Variants in TAOK3 observed in about 807,000 individuals in gnomAD.
The protein encoded by TAOK3 is TAO kinase 3.
In TAOK3, 40 loss-of-function variants were observed where a neutral mutation model predicts 120.4. The ratio of observed to expected loss-of-function variants is 0.33; its 90% CI spans 0.26 to 0.43. The LOEUF is 0.43. Among genes scored for constraint, TAOK3 ranks in the 20% least tolerant of loss-of-function variants. The pLI is 1.00. For missense variants in TAOK3, 821 were observed against 1,112.1 expected, an observed-to-expected ratio of 0.74 and a Z score of 3.72; for synonymous variants, 355 against 387.5, an observed-to-expected ratio of 0.92 and a Z score of 0.99.
chr12:118,167,759 T>G (rs2035699491), intron 17 of TAOK3, among the ~76,000 whole-genome samples: 1 of 150,732 alleles, frequency 6.6e-6, no homozygotes, highest in Admixed American at 6.6e-5. Context: ...CATGACCCAA[T>G]CAAGTTATAT....
At chr12:118,354,322 C>T (rs770892648) in intron 1 of TAOK3, among the ~76,000 whole-genome samples, 77 of 152,138 alleles carry the variant, frequency 5.1e-4, no homozygotes, top group Non-Finnish European at 8.2e-4. Flanking sequence ...AATCTGATAA[C>T]CAAGACAACC....
chr12:118,328,306 G>A (rs949422947), intron 1 of TAOK3, among the ~76,000 whole-genome samples: 1 of 151,992 alleles, frequency 6.6e-6, no homozygotes, highest in Non-Finnish European at 1.5e-5. Flanking sequence ...AGTGATCCTT[G>A]GCCTCCCAAA....
rs1484488726 is a variant in TAOK3 at position 118,196,098 on chromosome 12, A to AAAT, written c.1194+2952_1194+2953insATT. Among the ~76,000 whole-genome samples, 258 of 122,112 alleles carry AAAT rather than the reference A, an allele frequency of 2.1e-3. 1 individual carries two copies. Among genetic ancestry groups the AAAT allele is most frequent in the Non-Finnish European group, 3.8e-3 (209 of 55,524 alleles). The allele number at this position is 122,112 out of a possible 152,430, so 80.1% of individuals were successfully genotyped here. The stretch of plus-strand genomic sequence containing the variant: ...ATAAATAAATAAATAAATAAATAAA[A>AAAT]GGAAGTTTGGATTAGGATCCCCTCA... On this transcript the variant is annotated intron_variant, in intron 13 of 20. Coordinates refer to ENST00000392533, the MANE Select transcript of TAOK3 (RefSeq NM_016281.4).
intron 1 of TAOK3, among the ~76,000 whole-genome samples, chr12:118,321,155 A>G (rs1265041283): frequency 1.3e-5 from 2 of 152,158 alleles, no homozygotes; most frequent in African/African-American, 4.8e-5. Context: ...TGTAACTTTT[A>G]TATTTGTTTG....
chr12:118,233,749 T>C lies in TAOK3; in HGVS notation c.568A>G (p.Ile190Val), dbSNP rs761131094. The change falls in exon 9 of 21, where the codon ATC (isoleucine) becomes GTC (valine). Residue 190 changes from isoleucine (I) to valine (V), a missense_variant. Transcript: ENST00000392533. ...TACTGTCCTTCATCCATAGCTAAGA[T>C]CACCTCTGGAGCCATCCTACCAAAC... is the stretch of plus-strand genomic sequence containing the variant. ...GTPYWMAPEV[I>V]LAMDEGQYDG... 6.2e-7 allele frequency: 1 copy of C among 1,607,346 alleles called. No homozygotes were observed. Among genetic ancestry groups the C allele is most frequent in the Non-Finnish European group, 8.5e-7 (1 of 1,177,428 alleles).
chr12:118,273,228 C>T (rs117091919), intron 1 of TAOK3, among the ~76,000 whole-genome samples: 14,298 of 151,684 alleles, frequency 0.094, 858 homozygotes, highest in Non-Finnish European at 0.13. Flanking sequence ...ATAGGGCCAG[C>T]GCGGTGGCTC....
Position 118,150,891 on chromosome 12 carries a change from A to G in TAOK3, c.*106T>C, listed in dbSNP as rs2034343121. ...GTCAGTAAGAGTAAGAGAGAGAGAG[A>G]GTGAGAGCAACGCCCGTTAAAATGG... On this transcript the variant is annotated 3_prime_UTR_variant, in exon 21 of 21. Coordinates refer to ENST00000392533, the MANE Select transcript of TAOK3 (RefSeq NM_016281.4). 5 of 1,112,136 alleles carry G rather than the reference A, an allele frequency of 4.5e-6. No homozygotes were observed. In the South Asian group the frequency reaches 6.4e-5, roughly 14 times the overall value. 68.9% of individuals were successfully genotyped at this position (1,112,136 alleles called of 1,614,324 possible). A position where few individuals can be genotyped will look rare whatever the true frequency, so the allele number is the denominator to read the frequency against.
In TAOK3 at chr12:118,151,146, G is replaced by A. The variant is rs1436251739; in HGVS notation, c.2548C>T (p.Leu850=). Residue 850 remains leucine (L), a synonymous_variant, in exon 21 of 21, where the codon CTG becomes TTG. Transcript: ENST00000392533. ...CTGCGTTCCTTCTGAAGGGCAGCCA[G>A]CTCCTCTTCAATCTGAAAGAAGCAC... ...AHLEQKIEEE[L]AALQKERSER... 28 of 1,612,140 alleles carry A rather than the reference G, an allele frequency of 1.7e-5. No individual in the cohort carries two copies. The highest frequency in any genetic ancestry group is 2.3e-5 in the Non-Finnish European group (27 of 1,179,886).
At chr12:118,290,910 C>A (rs61945227) in intron 1 of TAOK3, among the ~76,000 whole-genome samples, 1 of 148,964 alleles carries the variant, frequency 6.7e-6, no homozygotes, top group Non-Finnish European at 1.5e-5. Context: ...TTTTTTTTTC[C>A]TGAGACGGAG....
At chr12:118,370,224 T>C (rs918651952) in intron 1 of TAOK3, among the ~76,000 whole-genome samples, 5 of 152,306 alleles carry the variant, frequency 3.3e-5, no homozygotes, top group Admixed American at 6.5e-5. Context: ...TCTGAAGCCA[T>C]AGAAGAACTG....
chr12:118,250,203 C>T (rs925139447), intron 3 of TAOK3, among the ~76,000 whole-genome samples: 2 of 151,982 alleles, frequency 1.3e-5, no homozygotes. Context: ...TAAAGTGATT[C>T]TCCCACCTCG....
intron 1 of TAOK3, among the ~76,000 whole-genome samples, chr12:118,331,728 G>C (rs1030666248): frequency 6.7e-6 from 1 of 149,982 alleles, no homozygotes; most frequent in Non-Finnish European, 1.5e-5. Flanking sequence ...ATGTAAAAGT[G>C]CTTTATAAAT....
intron 3 of TAOK3, among the ~76,000 whole-genome samples, chr12:118,248,203 G>GAA (rs34130998): frequency 1.8e-4 from 21 of 115,468 alleles, no homozygotes; most frequent in African/African-American, 6.1e-4. Context: ...ATGTCAAAAT[G>GAA]AAAAAAAAAA....
intron 2 of TAOK3, among the ~76,000 whole-genome samples, chr12:118,262,479 C>T (rs964659912): frequency 1.1e-4 from 17 of 151,798 alleles, no homozygotes; most frequent in Admixed American, 6.6e-4. Context: ...GAGACTCCAT[C>T]TCAAAGAGAA....
chr12:118,155,563 G>T (rs1031551089), intron 19 of TAOK3, among the ~76,000 whole-genome samples: 2 of 152,148 alleles, frequency 1.3e-5, no homozygotes, highest in South Asian at 4.1e-4. Context: ...ATGAAATGAG[G>T]TAACACTTAT....
intron 1 of TAOK3, among the ~76,000 whole-genome samples, chr12:118,298,397 G>A (rs921322739): frequency 1.3e-5 from 2 of 152,114 alleles, no homozygotes; most frequent in Non-Finnish European, 1.5e-5. Flanking sequence ...GAATTGCAAG[G>A]CTCAAGATGA....
chr12:118,353,269 C>G (rs535119855), intron 1 of TAOK3, among the ~76,000 whole-genome samples: 2 of 151,956 alleles, frequency 1.3e-5, no homozygotes, highest in Non-Finnish European at 2.9e-5. Context: ...AAGCATCTAA[C>G]AGGTAGTACA....
intron 11 of TAOK3, among the ~76,000 whole-genome samples, chr12:118,201,784 A>G (rs968955452): frequency 1.3e-5 from 2 of 152,142 alleles, no homozygotes; most frequent in Non-Finnish European, 2.9e-5. Context: ...GCAAATTAAC[A>G]TATCTATTAT....
chr12:118,309,231 A>G (rs542475710), intron 1 of TAOK3, among the ~76,000 whole-genome samples: 3 of 149,492 alleles, frequency 2.0e-5, no homozygotes, highest in Non-Finnish European at 3.0e-5. Context: ...TGGGAGGCTG[A>G]GGCAGGAAGA....
Sources: allele counts gnomAD v4.1 joint callset (sites outside exome capture counted in the v4.1 genomes callset), GRCh38; gene constraint gnomAD v4.1.1; transcripts MANE v1.5; gene names NCBI Gene and HGNC (gene_info 2026-07-23, HGNC 2026-07-21).